The following CACNA1C variants were observed in gnomAD, a reference collection of about 807,000 sequenced individuals.
CACNA1C encodes calcium voltage-gated channel subunit alpha1 C, also known as voltage-dependent L-type calcium channel subunit alpha-1C.
A neutral mutation model predicts 229.0 loss-of-function variants in CACNA1C; 30 were observed. That is an observed-to-expected ratio of 0.13 (90% CI 0.10 to 0.18). The LOEUF is 0.18. CACNA1C is among the 10% of genes least tolerant of loss of function. The probability of loss-of-function intolerance (pLI) is 1.00; values close to 1 mark genes in which losing one functional copy is unlikely to be tolerated. For missense variants in CACNA1C, 1,658 were observed against 2,845.0 expected (o/e 0.58, Z 9.49); for synonymous variants, 1,114 against 1,132.5 (o/e 0.98, Z 0.33).
chr12:2,494,169 G>A (rs1337671700), intron 7 of CACNA1C, among the ~76,000 whole-genome samples: 2 of 152,204 alleles, frequency 1.3e-5, no homozygotes, highest in Admixed American at 1.3e-4. Context: ...ACCACTTCTC[G>A]AGAGCCACCC....
chr12:2,634,192 AC>A, intron 29 of CACNA1C, 104 bp from the exon 30 acceptor site: 2 of 382,908 alleles, frequency 5.2e-6, no homozygotes, highest in Non-Finnish European at 8.4e-6. Flanking sequence ...CTTTTTCCAT[AC>A]CTTTTTTTTT....
intron 3 of CACNA1C, among the ~76,000 whole-genome samples, chr12:2,224,302 G>A (rs1283681668): frequency 2.6e-5 from 4 of 152,210 alleles, no homozygotes; most frequent in Non-Finnish European, 4.4e-5. Flanking sequence ...CCTCTCCACC[G>A]TCTCCGATAT....
At position 2,572,485 on chromosome 12, in the gene CACNA1C, C is replaced by T. The variant is rs149086363; in HGVS notation, c.1895+4691C>T. 1.5e-3 allele frequency among the ~76,000 whole-genome samples: 17 copies of T among 11,684 alleles called. 3 individuals carry two copies. Among genetic ancestry groups the T allele is most frequent in the East Asian group, 9.1e-3 (1 of 110 alleles). 7.7% of individuals were successfully genotyped at this position (11,684 alleles called of 152,430 possible). A position where few individuals can be genotyped will look rare whatever the true frequency, so the allele number is the denominator to read the frequency against. The stretch of plus-strand genomic sequence containing the variant: ...CCTCCTCTTCCTCCTTCTCCTCTTC[C>T]TCCTCCTCCTCCTCTCCTGCTCCTT... On this transcript the variant is annotated intron_variant, in intron 13 of 46. Transcript: ENST00000399655.
At chr12:2,111,331 G>A (rs1456057360) in intron 1 of CACNA1C, among the ~76,000 whole-genome samples, 2 of 152,224 alleles carry the variant, frequency 1.3e-5, no homozygotes, top group Non-Finnish European at 2.9e-5. Flanking sequence ...TGCACAGCCA[G>A]CTGCCGTCTT....
rs757786059 is a variant in CACNA1C at position 2,605,825 on chromosome 12, T to A, written c.3156+39T>A. On this transcript the variant is annotated intron_variant, in intron 24 of 46. Transcript: ENST00000399655. The surrounding 1 kb of genome is among the most constrained non-coding windows in gnomAD (Gnocchi z 6.2). ...TCCGTTGTGGTCCTCCTACCTCCCC[T>A]CCCATCAGCATTCCTGGGGAAGGGA... 2.3e-6 allele frequency: 3 copies of A among 1,309,092 alleles called. No homozygotes were observed. Among genetic ancestry groups the A allele is most frequent in the Non-Finnish European group, 3.3e-6 (3 of 901,832 alleles). 81.1% of individuals were successfully genotyped at this position (1,309,092 alleles called of 1,614,324 possible).
At chr12:2,179,607 A>G (rs1046927902) in intron 3 of CACNA1C, among the ~76,000 whole-genome samples, 3 of 152,326 alleles carry the variant, frequency 2.0e-5, no homozygotes, top group Non-Finnish European at 4.4e-5. Flanking sequence ...TGCTGCTAGA[A>G]TATTGGCTCC....
intron 3 of CACNA1C, among the ~76,000 whole-genome samples, chr12:2,295,899 C>T (rs957235164): frequency 9.2e-5 from 14 of 152,246 alleles, no homozygotes; most frequent in Admixed American, 7.2e-4. Flanking sequence ...TCTCCCAGAT[C>T]GCATGGGATT....
chr12:2,178,828 G>A (rs1364235797), intron 3 of CACNA1C, among the ~76,000 whole-genome samples: 3 of 152,104 alleles, frequency 2.0e-5, no homozygotes, highest in Admixed American at 6.5e-5. Context: ...TTGGGAGGCC[G>A]AGGCGGGCAG....
intron 13 of CACNA1C, among the ~76,000 whole-genome samples, chr12:2,572,481 CT>C (rs2055870371): frequency 9.0e-5 from 5 of 55,698 alleles, no homozygotes; most frequent in Non-Finnish European, 7.3e-5. Context: ...TCCTTCTCCT[CT>C]TCCTCCTCCT....
intron 9 of CACNA1C, among the ~76,000 whole-genome samples, chr12:2,518,506 G>A (rs1460027556): frequency 6.6e-6 from 1 of 151,874 alleles, no homozygotes; most frequent in Non-Finnish European, 1.5e-5. Context: ...TACTTGAGAG[G>A]CTGAGGCAGG....
chr12:2,195,547 A>G (rs1208146462), intron 3 of CACNA1C, among the ~76,000 whole-genome samples: 1 of 152,218 alleles, frequency 6.6e-6, no homozygotes, highest in African/African-American at 2.4e-5. Context: ...TCACAAGAAA[A>G]AATGCCATCA....
intron 3 of CACNA1C, among the ~76,000 whole-genome samples, chr12:2,196,704 A>G (rs538242226): frequency 6.6e-6 from 1 of 152,376 alleles, no homozygotes; most frequent in African/African-American, 2.4e-5. Context: ...ACTGAAGCGT[A>G]AAAGACGGTT....
chr12:2,191,860 A>G (rs369921490), intron 3 of CACNA1C, among the ~76,000 whole-genome samples: 764 of 75,718 alleles, frequency 0.01, 4 homozygotes, highest in African/African-American at 0.025. Context: ...TCACACATGT[A>G]CTCGCATACA....
intron 3 of CACNA1C, among the ~76,000 whole-genome samples, chr12:2,422,827 G>A (rs912854385): frequency 1.1e-4 from 17 of 152,120 alleles, no homozygotes; most frequent in Admixed American, 8.5e-4. Context: ...TAACTGCAGC[G>A]GCCCGTGGGG....
At chr12:2,011,874 C>T (rs944277732) in intron 1 of CACNA1C, among the ~76,000 whole-genome samples, 6 of 152,134 alleles carry the variant, frequency 3.9e-5, no homozygotes, top group Non-Finnish European at 8.8e-5. Flanking sequence ...GATGGGCTCT[C>T]GCTGTAGATT....
At chr12:2,305,970 T>C (rs1486217591) in intron 3 of CACNA1C, among the ~76,000 whole-genome samples, 2 of 152,198 alleles carry the variant, frequency 1.3e-5, no homozygotes, top group African/African-American at 2.4e-5. Flanking sequence ...GCTCATGTAA[T>C]CCTCATATCG....
rs149394183 is a variant in CACNA1C at position 2,282,240 on chromosome 12, C to T, written c.477+161810C>T. 8.0e-3 allele frequency among the ~76,000 whole-genome samples: 1,218 copies of T among 152,224 alleles called. 18 individuals carry two copies. The highest frequency in any genetic ancestry group is 0.028 in the African/African-American group (1,147 of 41,556). ...GACATTCCTGGAATTTGGGGGACTT[C>T]GCAGGACTTGACATTTTAGAGGCTG... On this transcript the variant is annotated intron_variant, in intron 3 of 46. Transcript: ENST00000399655.
At chr12:2,543,255 G>C (rs1223440522) in intron 9 of CACNA1C, among the ~76,000 whole-genome samples, 1 of 152,150 alleles carries the variant, frequency 6.6e-6, no homozygotes, top group Non-Finnish European at 1.5e-5. Flanking sequence ...TAAAGGATGT[G>C]CTATTATGAC....
chr12:1,981,908 C>G (rs943551604), intron 1 of CACNA1C, among the ~76,000 whole-genome samples: 9 of 152,088 alleles, frequency 5.9e-5, no homozygotes, highest in Admixed American at 5.2e-4. Flanking sequence ...TAAGAGTGTT[C>G]TGGGAAAGTG....
Sources: gnomAD v4.1 joint callset for allele counts (sites outside exome capture counted in the v4.1 genomes callset) on GRCh38, gnomAD v4.1.1 for gene constraint, Gnocchi (gnomAD v3.1) non-coding constraint, MANE v1.5 for transcripts, NCBI Gene and HGNC (gene_info 2026-07-23, HGNC 2026-07-21) for gene names.